The following FNBP4 variants were observed in gnomAD, a reference collection of about 807,000 sequenced individuals.
FNBP4 encodes formin binding protein 4.
In FNBP4, 34 loss-of-function variants were observed where a neutral mutation model predicts 119.3. That is an observed-to-expected ratio of 0.28 (90% confidence interval 0.22 to 0.38). The LOEUF (loss-of-function observed/expected upper bound fraction) is 0.38, where lower values mean the gene tolerates loss of function less well. Among genes scored for constraint, FNBP4 ranks in the 10% least tolerant of loss-of-function variants. The pLI, the probability that FNBP4 is intolerant of heterozygous loss-of-function variation, is 1.00. For missense variants in FNBP4, 1,112 were observed against 1,228.9 expected (o/e 0.90, Z 1.42); for synonymous variants, 462 against 430.6 (o/e 1.07, Z -0.90).
Position 47,717,216 on chromosome 11 carries a change from A to G in FNBP4, c.*206T>C, listed in dbSNP as rs373102683. On this transcript the variant is annotated 3_prime_UTR_variant, in exon 17 of 17. Transcript: ENST00000263773. ...TTGAGAATAAAGGCAGCATGGTCAA[A>G]GCAATTCCAATCACCTCATCCCTTT... is the stretch of plus-strand genomic sequence containing the variant. 1.1e-4 allele frequency: 59 copies of G among 522,140 alleles called. No homozygotes were observed. Among genetic ancestry groups the G allele is most frequent in the African/African-American group, 1.0e-3 (55 of 52,420 alleles). The allele number at this position is 522,140 out of a possible 1,614,324, so 32.3% of individuals were successfully genotyped here.
chr11:47,721,714 A>G (rs1375067844), intron 15 of FNBP4, among the ~76,000 whole-genome samples: 1 of 152,042 alleles, frequency 6.6e-6, no homozygotes, highest in African/African-American at 2.4e-5. Flanking sequence ...ATAAACATAC[A>G]GATTTTTTGC....
Position 47,767,337 on chromosome 11 carries a change from G to T in FNBP4, c.-49C>A, listed in dbSNP as rs771465571. On this transcript the variant is annotated 5_prime_UTR_variant, in exon 1 of 17. Transcript: ENST00000263773. The stretch of plus-strand genomic sequence containing the variant: ...AGCGTCGGGCGGCCGAGAGGGGCGG[G>T]CACTGGAGGCTGGGCGCTGGGCCCT... The T allele has an allele frequency of 1.4e-6, 2 of 1,419,684 alleles. No individual in the cohort carries two copies. The highest frequency in any genetic ancestry group is 9.2e-7 in the Non-Finnish European group (1 of 1,091,230). The allele number at this position is 1,419,684 out of a possible 1,614,324, so 87.9% of individuals were successfully genotyped here. A position where few individuals can be genotyped will look rare whatever the true frequency, so the allele number is the denominator to read the frequency against.
intron 4 of FNBP4, among the ~76,000 whole-genome samples, chr11:47,752,213 C>G (rs1268653992): frequency 6.6e-6 from 1 of 151,776 alleles, no homozygotes; most frequent in Non-Finnish European, 1.5e-5. Flanking sequence ...CCCCCGAGGT[C>G]AGGAGTTCGA....
At chr11:47,763,913 A>G (rs1325264199) in intron 2 of FNBP4, among the ~76,000 whole-genome samples, 3 of 152,124 alleles carry the variant, frequency 2.0e-5, no homozygotes, top group Non-Finnish European at 2.9e-5. Flanking sequence ...TCAGCTACCT[A>G]TATCAGGCAG....
At chr11:47,737,586 G>A (rs905966896) in intron 8 of FNBP4, among the ~76,000 whole-genome samples, 3 of 150,110 alleles carry the variant, frequency 2.0e-5, no homozygotes, top group African/African-American at 7.4e-5. Flanking sequence ...ACTACAGGCA[G>A]GTGCCACCGT....
intron 1 of FNBP4, among the ~76,000 whole-genome samples, chr11:47,765,851 C>CTTTTTTT (rs1167976570): frequency 0.57 from 46,406 of 82,118 alleles, 17,338 homozygotes; most frequent in Non-Finnish European, 0.7. Flanking sequence ...GAGCTGGAAT[C>CTTTTTTT]TTTTTTTTTT....
At chr11:47,724,216 A>T (rs779672201) in intron 13 of FNBP4, 44 bp from the exon 14 acceptor site, 1 of 1,606,526 alleles carries the variant, frequency 6.2e-7, no homozygotes, top group Admixed American at 1.7e-5. Context: ...GGCCATGGTT[A>T]AACATAGCCC....
chr11:47,722,792 T>C (rs2097557285), intron 15 of FNBP4, among the ~76,000 whole-genome samples, 184 bp downstream of exon 15: 1 of 152,052 alleles, frequency 6.6e-6, no homozygotes, highest in African/African-American at 2.4e-5. Context: ...GGTTTCACCA[T>C]GTTGGGCAGG....
chr11:47,745,027 T>G (rs1014871034), intron 7 of FNBP4, among the ~76,000 whole-genome samples: 1 of 152,202 alleles, frequency 6.6e-6, no homozygotes, highest in African/African-American at 2.4e-5. Flanking sequence ...TTTTACAATT[T>G]CTTATGCCTT....
chr11:47,738,196 T>C (rs2097576816), intron 8 of FNBP4, among the ~76,000 whole-genome samples: 1 of 152,170 alleles, frequency 6.6e-6, no homozygotes, highest in Non-Finnish European at 1.5e-5. Flanking sequence ...GAGCACACAA[T>C]ATGAACTCTT....
intron 6 of FNBP4, among the ~76,000 whole-genome samples, chr11:47,750,346 C>T (rs142620341): frequency 3.0e-4 from 42 of 138,186 alleles, no homozygotes; most frequent in African/African-American, 7.1e-4. Context: ...AGCACCACTG[C>T]GCTCCAGCCT....
chr11:47,751,325 T>C, intron 4 of FNBP4, 35 bp from the exon 5 acceptor site: 2 of 1,611,954 alleles, frequency 1.2e-6, no homozygotes, highest in Non-Finnish European at 1.7e-6. Flanking sequence ...CACAAATCCC[T>C]CTACAATTCT....
chr11:47,746,034 C>G (rs767188376), intron 7 of FNBP4, 22 bp downstream of exon 7: 2 of 1,562,858 alleles, frequency 1.3e-6, no homozygotes, highest in Non-Finnish European at 1.7e-6. Flanking sequence ...AAACATTCTA[C>G]AAGTAACTTT....
At chr11:47,719,811 G>T in intron 16 of FNBP4, 118 bp downstream of exon 16, 1 of 1,064,266 alleles carries the variant, frequency 9.4e-7, no homozygotes. Flanking sequence ...TTTACAAGCT[G>T]TGATTTTAAG....
intron 8 of FNBP4, among the ~76,000 whole-genome samples, chr11:47,740,812 G>C (rs1298146680): frequency 6.6e-6 from 1 of 151,410 alleles, no homozygotes; most frequent in Non-Finnish European, 1.5e-5. Context: ...AGATGGTCTC[G>C]ATCTCCTGAC....
In FNBP4 at chr11:47,723,273, T is replaced by C. The variant is rs1336549766; in HGVS notation, c.2508A>G (p.Gly836=). The part of the protein sequence containing the change: ...AGIGNQATGI[G]HQTIPVSLPA... Reference sequence around the variant, plus strand: ...GAAGGCTAACTGGTATTGTCTGATGTCCAATTCCTGTTGCCTGGTTTCCAA... The same window carrying C: ...GAAGGCTAACTGGTATTGTCTGATGCCCAATTCCTGTTGCCTGGTTTCCAA... The change falls in exon 15 of 17, where the codon GGA becomes GGG. Residue 836 remains glycine (G), a synonymous_variant. Transcript: ENST00000263773. The C allele has an allele frequency of 1.2e-6, 2 of 1,613,398 alleles. No individual in the cohort carries two copies. The highest frequency in any genetic ancestry group is 2.2e-5 in the South Asian group (2 of 91,048).
chr11:47,742,541 TAA>T (rs1250989562), intron 8 of FNBP4, among the ~76,000 whole-genome samples: 1 of 92,726 alleles, frequency 1.1e-5, no homozygotes. Flanking sequence ...AATGAAAAGA[TAA>T]AGAGGATTTA....
Position 47,717,292 on chromosome 11 carries a change from C to A in FNBP4, c.*130G>T. Reference sequence around the variant, plus strand: ...CAAAAGTGAAAACTTTGTATGCATACACTCTTGCCCAGGAAATTTATAAGA... The same window carrying A: ...CAAAAGTGAAAACTTTGTATGCATAAACTCTTGCCCAGGAAATTTATAAGA... On this transcript the variant is annotated 3_prime_UTR_variant, in exon 17 of 17. Coordinates refer to ENST00000263773, the MANE Select transcript of FNBP4 (RefSeq NM_015308.5). 1.6e-6 allele frequency: 1 copy of A among 640,300 alleles called. No homozygotes were observed. Among genetic ancestry groups the A allele is most frequent in the Non-Finnish European group, 2.6e-6 (1 of 378,826 alleles). The allele number at this position is 640,300 out of a possible 1,614,324, so 39.7% of individuals were successfully genotyped here.
chr11:47,750,107 A>G (rs1385905661), intron 6 of FNBP4, among the ~76,000 whole-genome samples: 1 of 152,042 alleles, frequency 6.6e-6, no homozygotes, highest in African/African-American at 2.4e-5. Context: ...GGCCAGCTGC[A>G]GTGGCTCATG....
Sources: allele counts gnomAD v4.1 joint callset (sites outside exome capture counted in the v4.1 genomes callset), GRCh38; gene constraint gnomAD v4.1.1; transcripts MANE v1.5; gene names NCBI Gene and HGNC (gene_info 2026-07-23, HGNC 2026-07-21).